FGF7: variants seen among roughly 807,000 people sequenced by gnomAD.
FGF7 encodes FGF-7.
A neutral mutation model predicts 20.5 loss-of-function variants in FGF7; 6 were observed. The observed-to-expected ratio is 0.29, with a 90% CI of 0.16 to 0.58. The LOEUF (loss-of-function observed/expected upper bound fraction) is 0.58, where lower values mean the gene tolerates loss of function less well. Ranked by LOEUF, FGF7 falls within the 20% of genes least tolerant of loss-of-function variation. The pLI is 0.90. For missense variants in FGF7, 144 were observed against 228.8 expected, an observed-to-expected ratio of 0.63 and a Z score of 2.39; for synonymous variants, 64 against 74.7, an observed-to-expected ratio of 0.86 and a Z score of 0.74.
At chr15:49,434,672 T>C (rs956564581) in intron 2 of FGF7, 5 of 151,616 alleles carry the variant, frequency 3.3e-5, no homozygotes, top group African/African-American at 4.8e-5. Flanking sequence ...TTTTTTTCTA[T>C]TAAAAATATA....
chr15:49,470,028 A>G (rs968234630), intron 2 of FGF7, among the ~76,000 whole-genome samples: 1 of 152,142 alleles, frequency 6.6e-6, no homozygotes, highest in African/African-American at 2.4e-5. Flanking sequence ...GCTTTAACAT[A>G]TTTCTTAATT....
At chr15:49,475,120 T>C (rs10083602) in intron 2 of FGF7, among the ~76,000 whole-genome samples, 49,374 of 152,018 alleles carry the variant, frequency 0.32, 8,750 homozygotes, top group African/African-American at 0.45. Context: ...ATCAGTTTGA[T>C]TAATTTTTTC....
At chr15:49,471,646 C>A (rs960461931) in intron 2 of FGF7, among the ~76,000 whole-genome samples, 1 of 151,916 alleles carries the variant, frequency 6.6e-6, no homozygotes, top group African/African-American at 2.4e-5. Flanking sequence ...TTATGATTTT[C>A]TAATCAAGAA....
intron 2 of FGF7, among the ~76,000 whole-genome samples, chr15:49,469,183 T>C (rs907440140): frequency 6.6e-6 from 1 of 152,204 alleles, no homozygotes; most frequent in African/African-American, 2.4e-5. Context: ...TTTATTTTCT[T>C]ATAAGACATT....
chr15:49,458,995 T>C (rs913537700), intron 2 of FGF7, among the ~76,000 whole-genome samples: 2 of 152,152 alleles, frequency 1.3e-5, no homozygotes, highest in Non-Finnish European at 2.9e-5. Flanking sequence ...TTCGTTTGAT[T>C]GTCCTTCATT....
intron 2 of FGF7, among the ~76,000 whole-genome samples, chr15:49,469,972 T>A (rs1185375933): frequency 6.6e-6 from 1 of 152,162 alleles, no homozygotes; most frequent in Non-Finnish European, 1.5e-5. Flanking sequence ...GTTTAATGAT[T>A]CCATCTTTTC....
chr15:49,430,940 T>A (rs959987664), intron 2 of FGF7, among the ~76,000 whole-genome samples: 9 of 148,562 alleles, frequency 6.1e-5, no homozygotes, highest in African/African-American at 2.2e-4. Context: ...GACTGTTCTC[T>A]TTTTAAGACT....
At chr15:49,429,681 C>T (rs2050421689) in intron 2 of FGF7, among the ~76,000 whole-genome samples, 1 of 151,840 alleles carries the variant, frequency 6.6e-6, no homozygotes, top group African/African-American at 2.4e-5. Flanking sequence ...AATACTGATG[C>T]CAGTTTCCAC....
At chr15:49,472,045 T>C (rs1032643527) in intron 2 of FGF7, among the ~76,000 whole-genome samples, 1 of 148,738 alleles carries the variant, frequency 6.7e-6, no homozygotes, top group Non-Finnish European at 1.5e-5. Flanking sequence ...GCTGTGAAAG[T>C]AAACACCTGG....
intron 2 of FGF7, among the ~76,000 whole-genome samples, chr15:49,455,556 G>C (rs10519229): frequency 0.022 from 3,349 of 152,182 alleles, 91 homozygotes; most frequent in South Asian, 0.079. Flanking sequence ...CTGAATTTCT[G>C]GGTAGGTCCA....
At chr15:49,472,609 C>G (rs1230040166) in intron 2 of FGF7, among the ~76,000 whole-genome samples, 1 of 152,064 alleles carries the variant, frequency 6.6e-6, no homozygotes, top group African/African-American at 2.4e-5. Flanking sequence ...AGTCTTTGCT[C>G]AGAAAGTTGG....
intron 2 of FGF7, among the ~76,000 whole-genome samples, chr15:49,474,117 G>A (rs1358630409): frequency 6.6e-6 from 1 of 152,054 alleles, no homozygotes; most frequent in Non-Finnish European, 1.5e-5. Flanking sequence ...TTAAGGAGAT[G>A]GTGAGATTGT....
chr15:49,453,494 C>A (rs1322984421), intron 2 of FGF7, among the ~76,000 whole-genome samples: 1 of 152,124 alleles, frequency 6.6e-6, no homozygotes, highest in Non-Finnish European at 1.5e-5. Flanking sequence ...TACAACACAC[C>A]TTAATTCCAA....
intron 2 of FGF7, among the ~76,000 whole-genome samples, chr15:49,428,593 CGAGT>C (rs2151769950): frequency 6.6e-6 from 1 of 151,956 alleles, no homozygotes; most frequent in Non-Finnish European, 1.5e-5. Context: ...ATTGAGGTGC[CGAGT>C]GAGAGAAAGC....
chr15:49,425,078 T>C (rs1316345413), intron 2 of FGF7: 1 of 152,192 alleles, frequency 6.6e-6, no homozygotes, highest in Non-Finnish European at 1.5e-5. Context: ...TCCTTTGCAA[T>C]TGTGTATAAT....
intron 2 of FGF7, among the ~76,000 whole-genome samples, chr15:49,463,455 G>A (rs1205048518): frequency 2.0e-5 from 3 of 151,512 alleles, no homozygotes; most frequent in African/African-American, 2.4e-5. Context: ...TTGGGAGGCC[G>A]CAGGAGAATC....
chr15:49,426,858 C>T (rs561444577), intron 2 of FGF7, among the ~76,000 whole-genome samples: 1 of 151,982 alleles, frequency 6.6e-6, no homozygotes, highest in South Asian at 2.1e-4. Context: ...ATATGGTATA[C>T]TTTCTTGATA....
chr15:49,444,525 C>T (rs1264308511), intron 2 of FGF7, among the ~76,000 whole-genome samples: 4 of 151,584 alleles, frequency 2.6e-5, no homozygotes, highest in Admixed American at 6.6e-5. Flanking sequence ...GATTGTAGTA[C>T]GTGGGTCTAA....
intron 2 of FGF7, among the ~76,000 whole-genome samples, chr15:49,455,795 A>T (rs564751125): frequency 6.6e-6 from 1 of 152,146 alleles, no homozygotes; most frequent in Admixed American, 6.6e-5. Context: ...GAAATTTTTC[A>T]GTTTGTCTCA....
Sources: allele counts gnomAD v4.1 joint callset (sites outside exome capture counted in the v4.1 genomes callset), GRCh38; gene constraint gnomAD v4.1.1; transcripts MANE v1.5; gene names NCBI Gene and HGNC (gene_info 2026-07-23, HGNC 2026-07-21).